The following ZNF713 variants were observed in gnomAD, a reference collection of about 807,000 sequenced individuals.
ZNF713 encodes zinc finger protein 713.
In ZNF713, 21 loss-of-function variants were observed where a neutral mutation model predicts 28.7. That is an observed-to-expected ratio of 0.73 (90% CI 0.52 to 1.05). ZNF713 has a LOEUF of 1.05. Ranked by LOEUF, ZNF713 falls within the 50% of genes least tolerant of loss-of-function variation. The probability of loss-of-function intolerance (pLI) is 0.00; values close to 1 mark genes in which losing one functional copy is unlikely to be tolerated. For missense variants in ZNF713, 458 were observed against 532.4 expected (o/e 0.86, Z 1.37); for synonymous variants, 167 against 178.0 (o/e 0.94, Z 0.49).
At chr7:55,919,153 T>C (rs1386214318) in intron 4 of ZNF713, among the ~76,000 whole-genome samples, 1 of 152,164 alleles carries the variant, frequency 6.6e-6, no homozygotes, top group Admixed American at 6.5e-5. Flanking sequence ...GAAGAACTGT[T>C]AAATATAAGT....
At chr7:55,918,687 A>G (rs1785931142) in intron 4 of ZNF713, among the ~76,000 whole-genome samples, 1 of 152,228 alleles carries the variant, frequency 6.6e-6, no homozygotes, top group East Asian at 1.9e-4. Context: ...GTTGGATAAC[A>G]TTGTTACCTT....
At chr7:55,931,254 C>T (rs146915406) in intron 6 of ZNF713, among the ~76,000 whole-genome samples, 231 of 152,100 alleles carry the variant, frequency 1.5e-3, no homozygotes, top group African/African-American at 5.1e-3. Flanking sequence ...TCATTGCTCT[C>T]CAGCCTGGGC....
chr7:55,931,821 C>T (rs1307692132), intron 6 of ZNF713, among the ~76,000 whole-genome samples: 2 of 152,220 alleles, frequency 1.3e-5, no homozygotes, highest in Non-Finnish European at 2.9e-5. Flanking sequence ...CATGCTCATA[C>T]TAAGCTAGAG....
chr7:55,930,667 G>C (rs146819015), intron 6 of ZNF713, among the ~76,000 whole-genome samples: 269 of 152,212 alleles, frequency 1.8e-3, no homozygotes, highest in Non-Finnish European at 3.3e-3. Context: ...GCTGAGTGTT[G>C]AGCCAAGAGG....
intron 4 of ZNF713, among the ~76,000 whole-genome samples, chr7:55,920,157 G>A (rs1302399045): frequency 6.6e-6 from 1 of 152,104 alleles, no homozygotes; most frequent in Non-Finnish European, 1.5e-5. Context: ...AAGGAACCAG[G>A]GATTTTTTGC....
chr7:55,932,255 G>A (rs934176077), intron 6 of ZNF713, among the ~76,000 whole-genome samples: 2 of 151,582 alleles, frequency 1.3e-5, no homozygotes, highest in Non-Finnish European at 2.9e-5. Flanking sequence ...GTGGCCAGGC[G>A]TGGTGGCTTA....
chr7:55,890,121 A>G (rs1437857579), intron 1 of ZNF713, among the ~76,000 whole-genome samples: 2 of 152,092 alleles, frequency 1.3e-5, no homozygotes, highest in East Asian at 1.9e-4. Flanking sequence ...CACTACTGCT[A>G]TTGGATTAAG....
At chr7:55,888,595 C>T (rs1785321371) in intron 1 of ZNF713, among the ~76,000 whole-genome samples, 1 of 151,996 alleles carries the variant, frequency 6.6e-6, no homozygotes, top group Admixed American at 6.6e-5. Flanking sequence ...CCATGTTTCC[C>T]AGGCTGGTCT....
chr7:55,919,366 G>A (rs570641096), intron 4 of ZNF713, among the ~76,000 whole-genome samples: 1 of 152,234 alleles, frequency 6.6e-6, no homozygotes, highest in Non-Finnish European at 1.5e-5. Context: ...TTCTAAGAAT[G>A]GTTAAGGTGA....
At chr7:55,892,359 C>T (rs1375225524) in intron 1 of ZNF713, among the ~76,000 whole-genome samples, 2 of 150,174 alleles carry the variant, frequency 1.3e-5, no homozygotes, top group Non-Finnish European at 3.0e-5. Context: ...ACCAGGGAAG[C>T]TCACTCAAGC....
In ZNF713 at chr7:55,888,549, TTTG is replaced by T. The variant is rs994433085; in HGVS notation, c.-583+887_-583+889del. On this transcript the variant is annotated intron_variant, in intron 1 of 6. Transcript: ENST00000429591. ...AGGTGTGCACCACCACGTGCGGCTT[TTTG>T]TTGTTGTTGTTGTTGTTAGCGACCA... Among the ~76,000 whole-genome samples, 23 of 151,890 alleles carry T rather than the reference TTTG, an allele frequency of 1.5e-4. 1 individual carries two copies. The highest frequency in any genetic ancestry group is 7.8e-4 in the East Asian group (4 of 5,120).
chr7:55,887,630 G>GGCGGCA lies in ZNF713; in HGVS notation c.-628_-627insAGCGGC, dbSNP rs1785271364. 1 of 152,718 alleles carries GGCGGCA rather than the reference G, an allele frequency of 6.5e-6. No individual in the cohort carries two copies. Among genetic ancestry groups the GGCGGCA allele is most frequent in the Non-Finnish European group, 1.2e-5 (1 of 83,612 alleles). The allele number at this position is 152,718 out of a possible 1,614,324, so 9.5% of individuals were successfully genotyped here. On this transcript the variant is annotated 5_prime_UTR_variant, in exon 1 of 7. Transcript: ENST00000429591. ...CGGCGGCGGCGGCGGCGGCGGCGGCGGCGGCGGCGTCAGGGGGCGGAGCCT... is the reference window on the plus strand; with the variant it reads ...CGGCGGCGGCGGCGGCGGCGGCGGCGGCGGCAGCGGCGGCGTCAGGGGGCGGAGCCT...
chr7:55,922,518 A>G (rs1419226953), intron 4 of ZNF713, among the ~76,000 whole-genome samples: 1 of 151,234 alleles, frequency 6.6e-6, no homozygotes, highest in Non-Finnish European at 1.5e-5. Flanking sequence ...AGCCTGGGCA[A>G]CAGAGTGAGA....
At chr7:55,935,812 G>A (rs113097344) in intron 6 of ZNF713, among the ~76,000 whole-genome samples, 138 of 151,874 alleles carry the variant, frequency 9.1e-4, no homozygotes, top group African/African-American at 3.0e-3. Context: ...AAAATTAGCC[G>A]AGTGTGGTGG....
intron 1 of ZNF713, among the ~76,000 whole-genome samples, chr7:55,896,016 C>T (rs117546455): frequency 0.011 from 1,675 of 151,962 alleles, 11 homozygotes; most frequent in Non-Finnish European, 0.017. Flanking sequence ...TGGCAAGAGA[C>T]GAGAGAGAAT....
At position 55,888,432 on chromosome 7, in the gene ZNF713, CA is replaced by C. The variant is rs372137690; in HGVS notation, c.-583+753del. 1.3e-3 allele frequency among the ~76,000 whole-genome samples: 205 copies of C among 152,240 alleles called. 1 individual carries two copies. The highest frequency in any genetic ancestry group is 4.6e-3 in the African/African-American group (193 of 41,556). On this transcript the variant is annotated intron_variant, in intron 1 of 6. Coordinates refer to ENST00000429591, the MANE Select transcript of ZNF713 (RefSeq NM_182633.3). ...GGATCTCACTTTATCACCCAGGCTG[CA>C]GTGCAGTGGCACCATCATGGCACAC...
In ZNF713 at chr7:55,923,713, C is replaced by G; in HGVS notation, c.307+14C>G. ...ATACTCATCCAGGTAAGTGCACACT[C>G]TTGGGCACTGCTACTTAATGAGGGA... On this transcript the variant is annotated intron_variant, in intron 6 of 6. Transcript: ENST00000429591. 1 of 1,596,340 alleles carries G rather than the reference C, an allele frequency of 6.3e-7. No individual in the cohort carries two copies. The highest frequency in any genetic ancestry group is 8.6e-7 in the Non-Finnish European group (1 of 1,165,964).
At position 55,923,305 on chromosome 7, in the gene ZNF713, T is replaced by A; in HGVS notation, c.214+17T>A. The A allele has an allele frequency of 1.1e-5, 17 of 1,594,978 alleles. No homozygotes were observed. The highest frequency in any genetic ancestry group is 1.4e-5 in the Non-Finnish European group (16 of 1,174,168). ...TTGCACTGGGTGAGGATGGCATCCCTGTGAAACCGGAAGCCGTTCACGTGG... is the reference window on the plus strand; with the variant it reads ...TTGCACTGGGTGAGGATGGCATCCCAGTGAAACCGGAAGCCGTTCACGTGG... On this transcript the variant is annotated intron_variant, in intron 5 of 6. Transcript: ENST00000429591.
chr7:55,898,076 G>C (rs7810142), intron 1 of ZNF713, among the ~76,000 whole-genome samples: 91 of 152,006 alleles, frequency 6.0e-4, no homozygotes, highest in Admixed American at 1.2e-3. Flanking sequence ...GTTGAAGATA[G>C]AGTTAATCAC....
Sources: allele counts gnomAD v4.1 joint callset (sites outside exome capture counted in the v4.1 genomes callset), GRCh38; gene constraint gnomAD v4.1.1; transcripts MANE v1.5; gene names NCBI Gene and HGNC (gene_info 2026-07-23, HGNC 2026-07-21).